HMGCLL1: variants seen among roughly 807,000 people sequenced by gnomAD.
HMGCLL1 encodes the protein 3-hydroxymethyl-3-methylglutaryl-CoA lyase, cytoplasmic.
HMGCLL1 carries 36 observed loss-of-function variants against 39.1 expected under a neutral mutation model. That is an observed-to-expected ratio of 0.92 (90% CI 0.71 to 1.22). HMGCLL1 has a LOEUF of 1.22. Among genes scored for constraint, HMGCLL1 ranks in the 50% most tolerant of loss-of-function variants. HMGCLL1 has a pLI of 0.00. For missense variants in HMGCLL1, 451 were observed against 416.5 expected (o/e 1.08, Z -0.72); for synonymous variants, 149 against 144.0 (o/e 1.03, Z -0.25).
At chr6:55,586,251 G>C in the HMGCLL1 span, among the ~76,000 whole-genome samples, 1 of 152,040 alleles carries the variant, frequency 6.6e-6, no homozygotes, top group Admixed American at 6.6e-5. Context: ...ATGATAATAA[G>C]AGAACACTTC....
the HMGCLL1 span, among the ~76,000 whole-genome samples, chr6:55,660,920 G>T: frequency 1.3e-4 from 20 of 151,858 alleles, no homozygotes; most frequent in Non-Finnish European, 2.4e-4. Flanking sequence ...ATTCTGACTG[G>T]TGTGAGATAG....
upstream of HMGCLL1, among the ~76,000 whole-genome samples, chr6:55,582,534 A>G (rs1772002720): frequency 6.6e-6 from 1 of 152,178 alleles, no homozygotes; most frequent in African/African-American, 2.4e-5. Context: ...AGAGACTCTT[A>G]GCAGTCTTTG....
intron 7 of HMGCLL1, among the ~76,000 whole-genome samples, chr6:55,448,872 T>C (rs906312353): frequency 3.9e-5 from 6 of 152,202 alleles, no homozygotes; most frequent in Non-Finnish European, 7.4e-5. Context: ...CAGAACACAC[T>C]TGAGTGGCAA....
At chr6:55,480,761 A>G (rs13193836) in intron 7 of HMGCLL1, among the ~76,000 whole-genome samples, 44,830 of 150,764 alleles carry the variant, frequency 0.3, 7,813 homozygotes, top group Non-Finnish European at 0.37. Flanking sequence ...ATGGATAAAG[A>G]TAATGTGGTG....
At chr6:55,613,241 G>A in the HMGCLL1 span, among the ~76,000 whole-genome samples, 1 of 152,188 alleles carries the variant, frequency 6.6e-6, no homozygotes, top group Non-Finnish European at 1.5e-5. Flanking sequence ...AAACCACAAT[G>A]AGATACCATC....
chr6:55,588,675 GA>G, the HMGCLL1 span, among the ~76,000 whole-genome samples: 1 of 151,840 alleles, frequency 6.6e-6, no homozygotes, highest in Admixed American at 6.6e-5. Flanking sequence ...TAATAAAGAA[GA>G]AAAGAGAGAA....
chr6:55,676,476 G>A, the HMGCLL1 span, among the ~76,000 whole-genome samples: 1 of 152,074 alleles, frequency 6.6e-6, no homozygotes, highest in African/African-American at 2.4e-5. Context: ...GCCTTGCATT[G>A]AGGAAGTAAT....
At chr6:55,546,966 A>G (rs926026080) in intron 1 of HMGCLL1, among the ~76,000 whole-genome samples, 9 of 152,084 alleles carry the variant, frequency 5.9e-5, no homozygotes, top group African/African-American at 2.2e-4. Context: ...TAGAGTAACA[A>G]TAAAAGAAAT....
At chr6:55,495,393 C>T (rs754874023) in intron 7 of HMGCLL1, 26 bp downstream of exon 7, 2 of 1,576,072 alleles carry the variant, frequency 1.3e-6, no homozygotes, top group Admixed American at 1.7e-5. Context: ...TATGCACACA[C>T]ATAACACACA....
chr6:55,670,121 C>G, the HMGCLL1 span, among the ~76,000 whole-genome samples: 2 of 151,562 alleles, frequency 1.3e-5, no homozygotes, highest in African/African-American at 4.8e-5. Flanking sequence ...GACACATGAC[C>G]CTATAGGAGC....
At chr6:55,590,041 GA>G in the HMGCLL1 span, among the ~76,000 whole-genome samples, 3 of 151,824 alleles carry the variant, frequency 2.0e-5, no homozygotes, top group South Asian at 6.2e-4. Context: ...TCACAGAATT[GA>G]AAAAAACTAC....
the HMGCLL1 span, among the ~76,000 whole-genome samples, chr6:55,612,117 C>A: frequency 6.6e-6 from 1 of 152,082 alleles, no homozygotes; most frequent in Non-Finnish European, 1.5e-5. Flanking sequence ...GATAAGAAAT[C>A]AATGTACAAA....
At chr6:55,460,171 T>C (rs951566566) in intron 7 of HMGCLL1, among the ~76,000 whole-genome samples, 1 of 151,946 alleles carries the variant, frequency 6.6e-6, no homozygotes. Flanking sequence ...TAGCTGTGTT[T>C]TAGAAATTTT....
intron 1 of HMGCLL1, among the ~76,000 whole-genome samples, chr6:55,551,189 C>T (rs1487764949): frequency 6.6e-6 from 1 of 151,784 alleles, no homozygotes; most frequent in Non-Finnish European, 1.5e-5. Context: ...AGTAAATTTA[C>T]ACTGGGTAAA....
At chr6:55,529,567 T>C (rs945969290) in intron 3 of HMGCLL1, among the ~76,000 whole-genome samples, 1 of 152,128 alleles carries the variant, frequency 6.6e-6, no homozygotes, top group African/African-American at 2.4e-5. Flanking sequence ...GGCCATCATA[T>C]AGATCCGGAG....
chr6:55,584,622 G>C, the HMGCLL1 span, among the ~76,000 whole-genome samples: 1 of 152,056 alleles, frequency 6.6e-6, no homozygotes, highest in Non-Finnish European at 1.5e-5. Context: ...CAATTGTCTC[G>C]AGTGGGAAGT....
chr6:55,645,077 A>G, the HMGCLL1 span, among the ~76,000 whole-genome samples: 1 of 151,882 alleles, frequency 6.6e-6, no homozygotes, highest in Non-Finnish European at 1.5e-5. Flanking sequence ...TTCTTTCATC[A>G]GTGTTTCATA....
chr6:55,450,837 A>C (rs938755903), intron 7 of HMGCLL1, among the ~76,000 whole-genome samples: 1 of 152,152 alleles, frequency 6.6e-6, no homozygotes, highest in Non-Finnish European at 1.5e-5. Flanking sequence ...TAAATAGAAA[A>C]AACTGTCCTT....
the HMGCLL1 span, among the ~76,000 whole-genome samples, chr6:55,587,339 T>C: frequency 2.0e-4 from 31 of 152,186 alleles, no homozygotes; most frequent in African/African-American, 6.7e-4. Context: ...TCCCATTCTG[T>C]AGGTCGCCTG....
Sources: allele counts gnomAD v4.1 joint callset (sites outside exome capture counted in the v4.1 genomes callset), GRCh38; gene constraint gnomAD v4.1.1; transcripts MANE v1.5; gene names NCBI Gene and HGNC (gene_info 2026-07-23, HGNC 2026-07-21).